The following SLC9D1 variants were observed in gnomAD, a reference collection of about 807,000 sequenced individuals.
The protein encoded by SLC9D1 is putative LAG1-interacting protein.
At chr13:113,508,805 T>G in the SLC9D1 span, among the ~76,000 whole-genome samples, 2 of 152,054 alleles carry the variant, frequency 1.3e-5, no homozygotes, top group Admixed American at 1.3e-4. Flanking sequence ...TTTCCCTGAT[T>G]CTCAAAAAAA....
chr13:113,511,306 A>G, the SLC9D1 span, among the ~76,000 whole-genome samples: 1 of 152,232 alleles, frequency 6.6e-6, no homozygotes, highest in Non-Finnish European at 1.5e-5. Flanking sequence ...ACAGGCATAG[A>G]AGAGAAAATA....
the SLC9D1 span, among the ~76,000 whole-genome samples, chr13:113,494,324 T>C: frequency 1.5e-3 from 227 of 152,324 alleles, 1 homozygote; most frequent in African/African-American, 5.0e-3. Flanking sequence ...CGTTTATTAC[T>C]CCTTCCTTCC....
chr13:113,516,244 T>C, the SLC9D1 span, among the ~76,000 whole-genome samples: 1 of 152,164 alleles, frequency 6.6e-6, no homozygotes, highest in African/African-American at 2.4e-5. Flanking sequence ...CTTTCTACTT[T>C]TGCATATGCT....
chr13:113,503,345 T>TTGTGTGTGTGTGTGTGTG, the SLC9D1 span: 1 of 475,036 alleles, frequency 2.1e-6, no homozygotes, highest in Non-Finnish European at 3.7e-6. Context: ...CACTGTGTGA[T>TTGTGTGTGTGTGTGTGTG]TGTGTGTGTG....
At chr13:113,518,110 G>T in the SLC9D1 span, among the ~76,000 whole-genome samples, 1 of 152,186 alleles carries the variant, frequency 6.6e-6, no homozygotes, top group Non-Finnish European at 1.5e-5. Flanking sequence ...GCACAAAAAG[G>T]TAGTGCAGAT....
chr13:113,510,180 G>C, the SLC9D1 span: 2 of 1,467,848 alleles, frequency 1.4e-6, no homozygotes, highest in African/African-American at 1.4e-5. Flanking sequence ...AAGTCTGTGT[G>C]GTGTGGTCAT....
the SLC9D1 span, among the ~76,000 whole-genome samples, chr13:113,502,420 A>G: frequency 1.3e-5 from 2 of 152,196 alleles, no homozygotes; most frequent in East Asian, 3.9e-4. Context: ...TCACTATGTT[A>G]GTCAGACTGG....
the SLC9D1 span, among the ~76,000 whole-genome samples, chr13:113,507,072 T>C: frequency 6.6e-6 from 1 of 152,130 alleles, no homozygotes; most frequent in Admixed American, 6.5e-5. Context: ...CTTGCTGACA[T>C]CTGATTGAGT....
the SLC9D1 span, chr13:113,533,971 CTG>C: frequency 2.5e-6 from 3 of 1,179,180 alleles, no homozygotes; most frequent in South Asian, 3.0e-5. Context: ...AAGAAAAAAA[CTG>C]AAAGATTATT....
At chr13:113,535,720 C>T in the SLC9D1 span, among the ~76,000 whole-genome samples, 2 of 151,708 alleles carry the variant, frequency 1.3e-5, no homozygotes, top group South Asian at 2.1e-4. This position sits in a 1 kb window ranked among gnomAD's most constrained non-coding sequence, Gnocchi z 4.1. Flanking sequence ...ATTTATGAGG[C>T]GAGAAGATTC....
chr13:113,535,868 T>C, the SLC9D1 span, among the ~76,000 whole-genome samples: 1 of 150,958 alleles, frequency 6.6e-6, no homozygotes, highest in Admixed American at 6.6e-5. This position sits in a 1 kb window ranked among gnomAD's most constrained non-coding sequence, Gnocchi z 4.1. Context: ...GGGGATGGCA[T>C]TCGCTGTGTT....
the SLC9D1 span, among the ~76,000 whole-genome samples, chr13:113,523,607 T>G: frequency 6.6e-6 from 1 of 152,222 alleles, no homozygotes; most frequent in Non-Finnish European, 1.5e-5. Flanking sequence ...TTGATTTTCT[T>G]TATTTTGTTG....
At chr13:113,524,993 T>C in the SLC9D1 span, among the ~76,000 whole-genome samples, 1 of 152,236 alleles carries the variant, frequency 6.6e-6, no homozygotes, top group Admixed American at 6.5e-5. Flanking sequence ...GGATTCTGTT[T>C]AGGCTCATTT....
chr13:113,493,956 T>C, the SLC9D1 span, among the ~76,000 whole-genome samples: 2 of 152,242 alleles, frequency 1.3e-5, no homozygotes, highest in South Asian at 4.1e-4. Context: ...TTGGGCAGAA[T>C]GCTGCCTCCA....
the SLC9D1 span, among the ~76,000 whole-genome samples, chr13:113,508,432 G>T: frequency 8.9e-4 from 136 of 152,294 alleles, no homozygotes; most frequent in Non-Finnish European, 4.3e-4. Context: ...ATTGCTCTTC[G>T]GCCGTGATAT....
the SLC9D1 span, chr13:113,536,577 C>T: frequency 4.8e-5 from 47 of 985,174 alleles, no homozygotes; most frequent in East Asian, 9.1e-4. Context: ...GGACAACTTC[C>T]GTGTTGCCCT....
the SLC9D1 span, among the ~76,000 whole-genome samples, chr13:113,503,064 C>G: frequency 6.6e-6 from 1 of 152,180 alleles, no homozygotes; most frequent in Non-Finnish European, 1.5e-5. Flanking sequence ...TCACGTGATT[C>G]AAGTATAAAA....
chr13:113,529,474 C>T, the SLC9D1 span: 1 of 152,198 alleles, frequency 6.6e-6, no homozygotes, highest in African/African-American at 2.4e-5. Flanking sequence ...CACGGTGAAA[C>T]CCCGTCTCTA....
the SLC9D1 span, among the ~76,000 whole-genome samples, chr13:113,520,367 C>T: frequency 6.6e-6 from 1 of 151,624 alleles, no homozygotes; most frequent in Non-Finnish European, 1.5e-5. Context: ...GCCTATAATC[C>T]CAGCTACTCA....
Sources: gnomAD v4.1 joint callset for allele counts (sites outside exome capture counted in the v4.1 genomes callset) on GRCh38, gnomAD v4.1.1 for gene constraint, Gnocchi (gnomAD v3.1) non-coding constraint, MANE v1.5 for transcripts, NCBI Gene and HGNC (gene_info 2026-07-23, HGNC 2026-07-21) for gene names.